The following ATP12A variants were observed in gnomAD, a reference collection of about 807,000 sequenced individuals.
ATP12A encodes potassium-transporting ATPase alpha chain 2.
Under a neutral mutation model 111.2 loss-of-function variants are expected in ATP12A, and 81 were observed. The ratio of observed to expected loss-of-function variants is 0.73; its 90% CI spans 0.61 to 0.88. The LOEUF (loss-of-function observed/expected upper bound fraction) is 0.88, where lower values mean the gene tolerates loss of function less well. Among genes scored for constraint, ATP12A ranks in the 40% least tolerant of loss-of-function variants. ATP12A has a pLI of 0.00. For missense variants in ATP12A, 1,196 were observed against 1,313.1 expected, an observed-to-expected ratio of 0.91 and a Z score of 1.38; for synonymous variants, 498 against 499.8, an observed-to-expected ratio of 1.00 and a Z score of 0.05.
intron 15 of ATP12A, 56 bp from the exon 16 acceptor site, chr13:24,706,967 C>A: frequency 6.6e-7 from 1 of 1,520,940 alleles, no homozygotes; most frequent in South Asian, 1.3e-5. Flanking sequence ...TCTTGCCAGG[C>A]CTGCAACCCA....
chr13:24,688,569 C>T, intron 4 of ATP12A, 47 bp downstream of exon 4: 3 of 1,485,812 alleles, frequency 2.0e-6, no homozygotes, highest in South Asian at 1.5e-5. Flanking sequence ...CAGAGCCATC[C>T]AGTGAGGCCT....
chr13:24,682,900 T>C (rs543369501), intron 2 of ATP12A, among the ~76,000 whole-genome samples: 1 of 152,088 alleles, frequency 6.6e-6, no homozygotes, highest in South Asian at 2.1e-4. Flanking sequence ...ATTCACGTGC[T>C]TTAGGGGAGT....
In ATP12A at chr13:24,688,425, T is replaced by G; in HGVS notation, c.335T>G (p.Val112Gly). ...ATCGTCAAGTTCCTCAAGCAGATGGTGGGGGGGTTCTCTATCCTCCTGTGG... is the reference window on the plus strand; with the variant it reads ...ATCGTCAAGTTCCTCAAGCAGATGGGGGGGGGGTTCTCTATCCTCCTGTGG... The part of the protein sequence containing the change: ...PEIVKFLKQM[V>G]GGFSILLWVG... Residue 112 changes from valine to glycine, a missense_variant, in exon 4 of 23, where the codon GTG (valine) becomes GGG (glycine). Around this residue, in one of 3 missense-constraint regions of ATP12A, gnomAD observed 1,126 missense variants for 1,228.5 expected, o/e 0.92. Transcript: ENST00000381946. 1.9e-6 allele frequency: 3 copies of G among 1,613,968 alleles called. No individual in the cohort carries two copies.
intron 4 of ATP12A, among the ~76,000 whole-genome samples, chr13:24,688,987 G>A (rs947597130): frequency 6.6e-6 from 1 of 152,154 alleles, no homozygotes; most frequent in Non-Finnish European, 1.5e-5. Flanking sequence ...GCCAGGGCAT[G>A]GGACAGGAGC....
At chr13:24,706,275 G>A (rs1875628263) in intron 14 of ATP12A, 38 bp from the exon 15 acceptor site, 1 of 1,606,292 alleles carries the variant, frequency 6.2e-7, no homozygotes, top group South Asian at 1.1e-5. Context: ...CCTAAGATCT[G>A]CCCTTGGGCC....
Position 24,707,311 on chromosome 13 carries a change from A to G in ATP12A, c.2371A>G (p.Ile791Val), listed in dbSNP as rs753236720. The change falls in exon 17 of 23, where the codon ATT becomes GTT. Residue 791 changes from isoleucine to valine, a missense_variant. Physicochemically the swap from Ile to Val is conservative, Grantham distance 29. Coordinates refer to ENST00000381946, the MANE Select transcript of ATP12A (RefSeq NM_001676.7). ...RLIFDNLKKT[I>V]AYSLTKNIAE... ...GATCTTTGACAACCTCAAGAAGACT[A>G]TTGCTTATTCCCTGACCAAGAACAT... 3.1e-5 allele frequency: 50 copies of G among 1,614,020 alleles called. No individual in the cohort carries two copies. The South Asian group carries it at 5.3e-4, about 17-fold the overall frequency.
At chr13:24,680,903 C>T in intron 1 of ATP12A, 151 bp downstream of exon 1, 2 of 1,294,984 alleles carry the variant, frequency 1.5e-6, no homozygotes, top group Non-Finnish European at 2.0e-6. Flanking sequence ...TGAGCGCCCC[C>T]CGGCCTGGGC....
chr13:24,687,871 C>G (rs1172908951), intron 3 of ATP12A, among the ~76,000 whole-genome samples: 2 of 152,142 alleles, frequency 1.3e-5, no homozygotes, highest in Non-Finnish European at 2.9e-5. Context: ...CAAATTAGTC[C>G]TCTCACCGGA....
rs756396773 is a variant in ATP12A at position 24,701,969 on chromosome 13, C to T, written c.1916C>T (p.Ala639Val). 6.2e-7 allele frequency: 1 copy of T among 1,614,232 alleles called. No individual in the cohort carries two copies. The highest frequency in any genetic ancestry group is 1.1e-5 in the South Asian group (1 of 91,086). ...IMVTGDHPIT[A>V]KAIAKSVGII... ...GTTACTGGTGATCATCCCATCACAGCCAAAGCTATTGCCAAGAGTGTGGGG... is the reference window on the plus strand; with the variant it reads ...GTTACTGGTGATCATCCCATCACAGTCAAAGCTATTGCCAAGAGTGTGGGG... The change falls in exon 14 of 23, where the codon GCC (alanine) becomes GTC (valine). Residue 639 changes from alanine to valine, a missense_variant. By Grantham distance (64) the Ala-to-Val change is moderately conservative. Transcript: ENST00000381946.
intron 10 of ATP12A, among the ~76,000 whole-genome samples, chr13:24,693,669 T>TGCACATCAGTGCCTTGCC: frequency 6.6e-6 from 1 of 152,368 alleles, no homozygotes; most frequent in South Asian, 2.1e-4. Context: ...CCAGCCTGGC[T>TGCACATCAGTGCCTTGCC]GCACATCAGT....
chr13:24,711,021 G>T, intron 21 of ATP12A, 128 bp downstream of exon 21: 1 of 870,246 alleles, frequency 1.1e-6, no homozygotes, highest in Non-Finnish European at 1.8e-6. Context: ...CTGATCCCAT[G>T]CTCTGTGAGC....
chr13:24,706,495 A>G, intron 15 of ATP12A, 32 bp downstream of exon 15: 1 of 1,607,480 alleles, frequency 6.2e-7, no homozygotes, highest in Non-Finnish European at 8.5e-7. Context: ...GAGGACTGAC[A>G]GGCCCATCAC....
chr13:24,690,480 G>A lies in ATP12A; in HGVS notation c.681+8G>A, dbSNP rs1379322245. 1 of 1,613,626 alleles carries A rather than the reference G, an allele frequency of 6.2e-7. No homozygotes were observed. The highest frequency in any genetic ancestry group is 8.5e-7 in the Non-Finnish European group (1 of 1,179,808). ...TCTTCTCAGGGGTGTCGGGTAAGCGGCAAGGGGTATCCACCCCAAGGACCA... is the reference window on the plus strand; with the variant it reads ...TCTTCTCAGGGGTGTCGGGTAAGCGACAAGGGGTATCCACCCCAAGGACCA... On this transcript the variant is annotated splice_region_variant and intron_variant, in intron 6 of 22. Coordinates refer to ENST00000381946, the MANE Select transcript of ATP12A (RefSeq NM_001676.7).
chr13:24,686,545 C>T (rs887303670), intron 3 of ATP12A, among the ~76,000 whole-genome samples: 1 of 152,018 alleles, frequency 6.6e-6, no homozygotes, highest in Non-Finnish European at 1.5e-5. Context: ...TCGAGACCAT[C>T]CTGGCTAACA....
Position 24,680,698 on chromosome 13 carries a change from C to G in ATP12A, c.-46C>G, listed in dbSNP as rs1203447865. 8.0e-6 allele frequency: 12 copies of G among 1,501,168 alleles called. No individual in the cohort carries two copies. Among genetic ancestry groups the G allele is most frequent in the South Asian group, 3.7e-5 (3 of 81,090 alleles). The allele number at this position is 1,501,168 out of a possible 1,614,324, so 93.0% of individuals were successfully genotyped here. On this transcript the variant is annotated 5_prime_UTR_variant, in exon 1 of 23. Transcript: ENST00000381946. Reference sequence around the variant, plus strand: ...ACCGTGCGCTCCGCCGCTGCGGTCCCGGATCCGCGCTCCACGCCCGCAGCC... The same window carrying G: ...ACCGTGCGCTCCGCCGCTGCGGTCCGGGATCCGCGCTCCACGCCCGCAGCC...
chr13:24,689,007 C>T (rs928871963), intron 4 of ATP12A, among the ~76,000 whole-genome samples: 7 of 151,974 alleles, frequency 4.6e-5, no homozygotes, highest in Admixed American at 6.5e-5. Flanking sequence ...CAGGGAGTGA[C>T]GGCAGAGGGG....
At chr13:24,701,478 GC>G in intron 13 of ATP12A, among the ~76,000 whole-genome samples, 1 of 141,900 alleles carries the variant, frequency 7.0e-6, no homozygotes, top group East Asian at 2.0e-4. Context: ...TCCAGCTTGG[GC>G]AACAAGAGTG....
Position 24,692,540 on chromosome 13 carries a change from G to T in ATP12A, c.1180G>T (p.Gly394Trp). ...CTCCATCATCTGCTCGGACAAGACTGGGACACTGACCCAGAACAGGATGAC... is the reference window on the plus strand; with the variant it reads ...CTCCATCATCTGCTCGGACAAGACTTGGACACTGACCCAGAACAGGATGAC... ...STSIICSDKT[G>W]TLTQNRMTVA... The change falls in exon 9 of 23, where the codon GGG (glycine) becomes TGG (tryptophan). Residue 394 changes from glycine to tryptophan, a missense_variant. By Grantham distance (184) the Gly-to-Trp change is radical. Transcript: ENST00000381946. The T allele has an allele frequency of 6.2e-7, 1 of 1,613,984 alleles. No homozygotes were observed.
At chr13:24,683,992 G>T (rs902820408) in intron 2 of ATP12A, among the ~76,000 whole-genome samples, 4 of 152,174 alleles carry the variant, frequency 2.6e-5, no homozygotes, top group African/African-American at 2.4e-5. Flanking sequence ...GACCCGAGGG[G>T]TGGGTGGGGT....
Sources: allele counts gnomAD v4.1 joint callset (sites outside exome capture counted in the v4.1 genomes callset), GRCh38; gene constraint gnomAD v4.1.1; regional missense constraint gnomAD v4.1.1; transcripts MANE v1.5; gene names NCBI Gene and HGNC (gene_info 2026-07-23, HGNC 2026-07-21).